Variants in NBPF12 observed in about 807,000 individuals in gnomAD.
NBPF12 encodes NBPF member 12, also known as NBPF family member NBPF12.
Under a neutral mutation model 146.4 loss-of-function variants are expected in NBPF12, and 115 were observed. The ratio of observed to expected loss-of-function variants is 0.79; its 90% CI spans 0.68 to 0.92. The LOEUF (loss-of-function observed/expected upper bound fraction) is 0.92. NBPF12 is among the 40% of genes least tolerant of loss of function. NBPF12 has a pLI of 0.00. For missense variants in NBPF12, 1,205 were observed against 1,326.8 expected (o/e 0.91, Z 1.43); for synonymous variants, 385 against 508.9 (o/e 0.76, Z 3.28).
chr1:146,949,854 T>C (rs1235778572), intron 1 of NBPF12, among the ~76,000 whole-genome samples: 22 of 152,042 alleles, frequency 1.4e-4, no homozygotes, highest in African/African-American at 5.1e-4. Context: ...GTTTCATCTT[T>C]CAACCAATAA....
intron 2 of NBPF12, among the ~76,000 whole-genome samples, chr1:146,954,389 CAA>C (rs1170420550): frequency 0.061 from 1,444 of 23,630 alleles, no homozygotes; most frequent in South Asian, 0.15. Flanking sequence ...GACTCTGTCT[CAA>C]AAAAAAAAAA....
At chr1:146,973,425 C>T (rs1483438195) in intron 14 of NBPF12, among the ~76,000 whole-genome samples, 13 of 151,526 alleles carry the variant, frequency 8.6e-5, no homozygotes, top group African/African-American at 1.5e-4. Context: ...AGCCAGTACC[C>T]GCTCTGAGGG....
intron 19 of NBPF12, among the ~76,000 whole-genome samples, chr1:146,981,292 A>ATATATATATATATAT (rs1182919966): frequency 9.6e-6 from 1 of 104,142 alleles, no homozygotes; most frequent in African/African-American, 4.1e-5. Context: ...AAAAAAAAAA[A>ATATATATATATATAT]AAATATATAT....
intron 5 of NBPF12, among the ~76,000 whole-genome samples, chr1:146,962,830 A>G (rs1305663422): frequency 6.6e-5 from 10 of 150,934 alleles, no homozygotes; most frequent in Non-Finnish European, 1.2e-4. Context: ...TTGAAACGGA[A>G]TTAGGAAGAC....
intron 11 of NBPF12, 113 bp downstream of exon 14, chr1:146,969,709 G>C: frequency 6.5e-7 from 1 of 1,543,578 alleles, no homozygotes; most frequent in Non-Finnish European, 8.9e-7. Context: ...TACTACACAT[G>C]TGTGGCCATG....
At chr1:146,995,712 T>G (rs1216552872) in exon 34 of NBPF12, 5 of 150,328 alleles carry the variant, frequency 3.3e-5, no homozygotes, top group Non-Finnish European at 5.9e-5. Context: ...TCAGCCCATC[T>G]GCGGGCAGAG....
chr1:146,961,739 C>T (rs1384893397), intron 4 of NBPF12, among the ~76,000 whole-genome samples: 1 of 151,338 alleles, frequency 6.6e-6, no homozygotes, highest in Non-Finnish European at 1.5e-5. Context: ...CTTGAAATAC[C>T]CAGTAAAAGG....
At chr1:146,963,300 C>T (rs1570841916) in exon 6 of NBPF12, 6 of 1,611,948 alleles carry the variant, frequency 3.7e-6, no homozygotes, top group Non-Finnish European at 5.1e-6. Context: ...TGTCCAAAAG[C>T]TCAGCCCAGG....
chr1:146,982,366 A>G (rs1657451411), intron 19 of NBPF12, among the ~76,000 whole-genome samples: 1 of 150,060 alleles, frequency 6.7e-6, no homozygotes, highest in African/African-American at 2.5e-5. Context: ...ACCCTCAAAC[A>G]GGGATTTCTT....
intron 14 of NBPF12, among the ~76,000 whole-genome samples, chr1:146,973,575 G>A (rs1289325324): frequency 1.7e-4 from 26 of 149,296 alleles, no homozygotes; most frequent in Admixed American, 3.4e-4. Flanking sequence ...AGAGCACGAG[G>A]TCAGGAGTTT....
intron 12 of NBPF12, 112 bp from the exon 16 acceptor site, chr1:146,971,071 G>C: frequency 6.4e-7 from 1 of 1,552,370 alleles, no homozygotes. Context: ...CCTCCATTTT[G>C]CTTTCTGGGA....
At chr1:146,982,536 A>T (rs1233946189) in intron 19 of NBPF12, among the ~76,000 whole-genome samples, 1 of 151,946 alleles carries the variant, frequency 6.6e-6, no homozygotes, top group Non-Finnish European at 1.5e-5. Context: ...GGCCCTTAAT[A>T]CACAAGATCT....
intron 5 of NBPF12, 77 bp from the exon 9 acceptor site, chr1:146,963,018 A>G: frequency 1.9e-6 from 3 of 1,538,824 alleles, no homozygotes; most frequent in Non-Finnish European, 2.7e-6. Flanking sequence ...ACATTGTCTC[A>G]GAAATCTCTG....
chr1:146,970,084 T>G (rs1198090010), intron 11 of NBPF12, among the ~76,000 whole-genome samples: 1 of 150,100 alleles, frequency 6.7e-6, no homozygotes, highest in Non-Finnish European at 1.5e-5. Context: ...CTTTTCAAAA[T>G]GAGATGAAGC....
intron 19 of NBPF12, among the ~76,000 whole-genome samples, chr1:146,981,474 G>T (rs1358730849): frequency 1.3e-5 from 2 of 151,190 alleles, no homozygotes; most frequent in African/African-American, 4.9e-5. Context: ...TTTCTCTCTG[G>T]CTGCCCTTAG....
intron 9 of NBPF12, among the ~76,000 whole-genome samples, chr1:146,967,729 C>T (rs1192728186): frequency 5.3e-5 from 8 of 150,330 alleles, no homozygotes; most frequent in Non-Finnish European, 1.0e-4. Flanking sequence ...CTCACCTGTT[C>T]AGAGGGTACT....
intron 33 of NBPF12, 43 bp from the exon 37 acceptor site, chr1:146,994,289 T>G (rs782601761): frequency 6.2e-7 from 1 of 1,611,288 alleles, no homozygotes; most frequent in South Asian, 1.1e-5. Flanking sequence ...CTGTGGTGTC[T>G]GACTTTCCCT....
At chr1:146,992,462 C>CTCTCTCTCTGTGTG (rs1450490306) in intron 31 of NBPF12, among the ~76,000 whole-genome samples, 17 of 66,270 alleles carry the variant, frequency 2.6e-4, no homozygotes, top group African/African-American at 1.1e-3. Context: ...CTCTCTCTCT[C>CTCTCTCTCTGTGTG]TGTGTGTGTG....
At position 146,970,869 on chromosome 1, in the gene NBPF12, G is replaced by A. The variant is rs1436972376; in HGVS notation, c.1379+150G>A. 3.1e-6 allele frequency: 3 copies of A among 972,422 alleles called. No homozygotes were observed. In the African/African-American group the frequency reaches 4.9e-5, roughly 16 times the overall value. 60.2% of individuals were successfully genotyped at this position (972,422 alleles called of 1,614,324 possible). ...TCAACCCAGCTTAGACACAGGGTGT[G>A]GCAGCTGTCGTGTTTCTGTATGTGT... On this transcript the variant is annotated intron_variant, in intron 12 of 33. Coordinates refer to ENST00000617844, the Ensembl canonical transcript of NBPF12.
Sources: gnomAD v4.1 joint callset for allele counts (sites outside exome capture counted in the v4.1 genomes callset) on GRCh38, gnomAD v4.1.1 for gene constraint, MANE v1.5 for transcripts, NCBI Gene and HGNC (gene_info 2026-07-23, HGNC 2026-07-21) for gene names.